MECOM: variants seen among roughly 807,000 people sequenced by gnomAD.
The protein encoded by MECOM is histone-lysine N-methyltransferase MECOM.
Under a neutral mutation model 116.3 loss-of-function variants are expected in MECOM, and 13 were observed. The ratio of observed to expected loss-of-function variants is 0.11; its 90% confidence interval spans 0.07 to 0.18. MECOM has a LOEUF of 0.18. Among genes scored for constraint, MECOM ranks in the 10% least tolerant of loss-of-function variants. The pLI is 1.00. For missense variants in MECOM, 1,299 were observed against 1,509.0 expected (o/e 0.86, Z 2.31); for synonymous variants, 528 against 535.2 (o/e 0.99, Z 0.19).
At chr3:169,535,301 T>C (rs574563202) in intron 1 of MECOM, among the ~76,000 whole-genome samples, 1 of 152,280 alleles carries the variant, frequency 6.6e-6, no homozygotes, top group Admixed American at 6.5e-5. Flanking sequence ...TTCCATCCCA[T>C]TGGCCCCAAG....
intron 1 of MECOM, among the ~76,000 whole-genome samples, chr3:169,524,529 A>G (rs1757748457): frequency 6.6e-6 from 1 of 152,240 alleles, no homozygotes; most frequent in African/African-American, 2.4e-5. Flanking sequence ...TCACAGGCTA[A>G]GAGTGGCCAT....
chr3:169,363,622 G>A (rs1728681556), intron 2 of MECOM, among the ~76,000 whole-genome samples: 1 of 151,882 alleles, frequency 6.6e-6, no homozygotes, highest in Non-Finnish European at 1.5e-5. Flanking sequence ...AATAGAAATG[G>A]TGGAGAGGCA....
intron 1 of MECOM, among the ~76,000 whole-genome samples, chr3:169,398,078 A>G (rs959778096): frequency 2.6e-5 from 4 of 152,130 alleles, no homozygotes; most frequent in African/African-American, 9.7e-5. Flanking sequence ...TTGATAAATG[A>G]TATTCTTGGG....
chr3:169,392,940 T>C (rs778872752), intron 1 of MECOM, among the ~76,000 whole-genome samples: 4 of 152,186 alleles, frequency 2.6e-5, no homozygotes, highest in Non-Finnish European at 4.4e-5. Flanking sequence ...ACTCATAAAA[T>C]GATGAAACAT....
chr3:169,180,794 G>T (rs71627239), intron 2 of MECOM, among the ~76,000 whole-genome samples: 4,261 of 104,878 alleles, frequency 0.041, 198 homozygotes, highest in Non-Finnish European at 0.059. Flanking sequence ...GTGTGGAGAT[G>T]ATATATATAT....
chr3:169,351,414 T>C (rs773630865), intron 2 of MECOM, among the ~76,000 whole-genome samples: 1 of 151,892 alleles, frequency 6.6e-6, no homozygotes, highest in African/African-American at 2.4e-5. Flanking sequence ...CAGTAATGTA[T>C]TTATGTATCT....
intron 1 of MECOM, among the ~76,000 whole-genome samples, chr3:169,594,051 G>T (rs1425979826): frequency 2.6e-5 from 4 of 151,054 alleles, no homozygotes; most frequent in African/African-American, 9.8e-5. Flanking sequence ...GACCCAGGAG[G>T]CAGAGGTTGC....
chr3:169,406,371 G>A (rs1407486644), intron 1 of MECOM, among the ~76,000 whole-genome samples: 1 of 152,078 alleles, frequency 6.6e-6, no homozygotes, highest in Non-Finnish European at 1.5e-5. Flanking sequence ...GAGCCCCCAG[G>A]GTCCTTTCCA....
intron 16 of MECOM, among the ~76,000 whole-genome samples, chr3:169,088,669 C>G (rs778283344): frequency 1.3e-5 from 2 of 152,018 alleles, no homozygotes; most frequent in Non-Finnish European, 2.9e-5. Flanking sequence ...CGGAAAATGA[C>G]TCTGAGGTAA....
intron 2 of MECOM, chr3:169,145,248 G>T (rs1379186700): frequency 2.1e-6 from 1 of 473,036 alleles, no homozygotes; most frequent in Non-Finnish European, 3.7e-6. Flanking sequence ...AACGACAGAA[G>T]TGTACACTTA....
At chr3:169,645,567 T>A (rs1333076810) in intron 1 of MECOM, among the ~76,000 whole-genome samples, 1 of 152,236 alleles carries the variant, frequency 6.6e-6, no homozygotes, top group Non-Finnish European at 1.5e-5. Context: ...TCAGAGCTTC[T>A]GGATTCTCCA....
chr3:169,492,165 G>A (rs1753178202), intron 1 of MECOM, among the ~76,000 whole-genome samples: 2 of 152,210 alleles, frequency 1.3e-5, no homozygotes, highest in Admixed American at 1.3e-4. Flanking sequence ...AGGAAGAGAA[G>A]ATGCACAGTG....
chr3:169,299,691 C>T (rs1405351768), intron 2 of MECOM, among the ~76,000 whole-genome samples: 1 of 152,170 alleles, frequency 6.6e-6, no homozygotes, highest in African/African-American at 2.4e-5. Context: ...TATCAGCACA[C>T]TGCTCAGCCA....
intron 1 of MECOM, among the ~76,000 whole-genome samples, chr3:169,540,558 C>G (rs1346123192): frequency 6.6e-6 from 1 of 152,244 alleles, no homozygotes; most frequent in Non-Finnish European, 1.5e-5. Flanking sequence ...TCATTAGCTT[C>G]ATAATCAGAT....
intron 7 of MECOM, among the ~76,000 whole-genome samples, chr3:169,116,985 C>A (rs1463410398): frequency 2.6e-5 from 4 of 152,026 alleles, no homozygotes; most frequent in Non-Finnish European, 5.9e-5. Flanking sequence ...TATCTTGTCA[C>A]CCCCTTGTGC....
At chr3:169,375,581 G>A (rs966310073) in intron 2 of MECOM, among the ~76,000 whole-genome samples, 2 of 152,044 alleles carry the variant, frequency 1.3e-5, no homozygotes, top group Non-Finnish European at 2.9e-5. Flanking sequence ...AAATCTACAA[G>A]AAATGGATAA....
chr3:169,216,641 C>G (rs1303252169), intron 2 of MECOM, among the ~76,000 whole-genome samples: 3 of 150,918 alleles, frequency 2.0e-5, no homozygotes, highest in African/African-American at 7.3e-5. Context: ...CTATATGTTT[C>G]AATCTAGTAC....
At chr3:169,131,301 G>A in intron 4 of MECOM, 128 bp downstream of exon 4, 1 of 788,018 alleles carries the variant, frequency 1.3e-6, no homozygotes, top group Non-Finnish European at 2.1e-6. Flanking sequence ...TTCAAGAGAA[G>A]GAACTTGTTG....
At chr3:169,227,916 C>A (rs531876820) in intron 2 of MECOM, among the ~76,000 whole-genome samples, 3 of 152,060 alleles carry the variant, frequency 2.0e-5, no homozygotes, top group Non-Finnish European at 4.4e-5. Flanking sequence ...GAGCAGTGTC[C>A]CTGATGGGAA....
Sources: gnomAD v4.1 joint callset for allele counts (sites outside exome capture counted in the v4.1 genomes callset) on GRCh38, gnomAD v4.1.1 for gene constraint, MANE v1.5 for transcripts, NCBI Gene and HGNC (gene_info 2026-07-23, HGNC 2026-07-21) for gene names.